The following MRPL45 variants were observed in gnomAD, a reference collection of about 807,000 sequenced individuals.
MRPL45 encodes large ribosomal subunit protein mL45.
A neutral mutation model predicts 38.1 loss-of-function variants in MRPL45; 20 were observed. The observed-to-expected ratio is 0.53, with a 90% confidence interval of 0.37 to 0.76. The LOEUF (loss-of-function observed/expected upper bound fraction) is 0.76. MRPL45 is among the 30% of genes least tolerant of loss of function. The pLI is 0.00. For synonymous variants in MRPL45, 105 were observed against 128.8 expected, an observed-to-expected ratio of 0.82 and a Z score of 1.25; for missense variants, 337 against 395.6, an observed-to-expected ratio of 0.85 and a Z score of 1.26.
chr17:38,299,565 G>A, intron 3 of MRPL45, 97 bp downstream of exon 3: 1 of 859,618 alleles, frequency 1.2e-6, no homozygotes, highest in South Asian at 1.7e-5. Context: ...TGGGTTGGGT[G>A]TCATTCTCTT....
In MRPL45 at chr17:38,322,273, G is replaced by A. The variant is rs774838592; in HGVS notation, c.808G>A (p.Ala270Thr). The change falls in exon 7 of 8, where the codon GCA (alanine) becomes ACA (threonine). Residue 270 changes from alanine (A) to threonine (T), a missense_variant. Around this residue, in one of 3 missense-constraint regions of MRPL45, gnomAD observed 251 missense variants for 269.1 expected, o/e 0.93. Coordinates refer to ENST00000613675, the MANE Select transcript of MRPL45 (RefSeq NM_032351.6). ...RMHTKIVPPW[A>T]PPKQPILKTV... ...GCATACCAAGATCGTTCCCCCATGG[G>A]CACCCCCTAAGCAGCCCATCCTTAA... is the stretch of plus-strand genomic sequence containing the variant. 5.8e-5 allele frequency: 93 copies of A among 1,613,932 alleles called. No individual in the cohort carries two copies. Among genetic ancestry groups the A allele is most frequent in the Non-Finnish European group, 7.7e-5 (91 of 1,180,004 alleles).
At chr17:38,320,871 A>C (rs2037223144) in intron 6 of MRPL45, 104 bp downstream of exon 6, 1 of 1,085,018 alleles carries the variant, frequency 9.2e-7, no homozygotes, top group African/African-American at 1.5e-5. Context: ...AGACAGTAAT[A>C]AAAGGTACAC....
chr17:38,311,930 T>C (rs1461420351), intron 4 of MRPL45, among the ~76,000 whole-genome samples: 2 of 152,172 alleles, frequency 1.3e-5, no homozygotes, highest in Non-Finnish European at 2.9e-5. Flanking sequence ...GTACCTCACA[T>C]AAGTGGAATC....
chr17:38,315,835 C>T (rs968415099), intron 4 of MRPL45, among the ~76,000 whole-genome samples: 3 of 151,530 alleles, frequency 2.0e-5, no homozygotes, highest in Non-Finnish European at 4.4e-5. Flanking sequence ...TGCAGTGGCC[C>T]GATCTCGGCT....
chr17:38,305,134 T>C (rs1215715586), intron 3 of MRPL45, among the ~76,000 whole-genome samples: 6 of 147,278 alleles, frequency 4.1e-5, no homozygotes. Flanking sequence ...CGTGAGCCAC[T>C]GCACCCGGCC....
intron 3 of MRPL45, among the ~76,000 whole-genome samples, chr17:38,304,551 A>T (rs527866743): frequency 3.3e-5 from 5 of 150,360 alleles, no homozygotes; most frequent in South Asian, 2.1e-4. Flanking sequence ...TTTTTATTTT[A>T]TTTTTTTTTT....
At chr17:38,302,220 C>T (rs1370960188) in intron 3 of MRPL45, among the ~76,000 whole-genome samples, 1 of 151,318 alleles carries the variant, frequency 6.6e-6, no homozygotes, top group Non-Finnish European at 1.5e-5. Flanking sequence ...TGAGGTGGCT[C>T]ACAACTGTAA....
chr17:38,302,007 C>G (rs1436857523), intron 3 of MRPL45, among the ~76,000 whole-genome samples: 1 of 150,654 alleles, frequency 6.6e-6, no homozygotes, highest in African/African-American at 2.4e-5. Flanking sequence ...GTCCCAGCTA[C>G]TCAGGAGGCT....
intron 3 of MRPL45, among the ~76,000 whole-genome samples, chr17:38,302,380 G>A (rs138534198): frequency 0.023 from 3,478 of 149,200 alleles, 133 homozygotes; most frequent in African/African-American, 0.081. Flanking sequence ...TCAGCTACTC[G>A]GAAGGCTGAG....
At chr17:38,318,822 CT>C (rs1454412319) in intron 5 of MRPL45, 87 bp downstream of exon 5, 20 of 576,084 alleles carry the variant, frequency 3.5e-5, no homozygotes, top group South Asian at 1.9e-5. Flanking sequence ...CTTTTCTTTT[CT>C]TTTCTTTTTT....
intron 1 of MRPL45, among the ~76,000 whole-genome samples, chr17:38,297,471 T>C (rs1475434836): frequency 6.6e-6 from 1 of 151,898 alleles, no homozygotes; most frequent in Non-Finnish European, 1.5e-5. Context: ...GGATATTAAG[T>C]TTTTCCGGAT....
chr17:38,300,906 A>G (rs2036988534), intron 3 of MRPL45, among the ~76,000 whole-genome samples: 1 of 152,180 alleles, frequency 6.6e-6, no homozygotes, highest in Admixed American at 6.5e-5. Context: ...AGATCGTGCC[A>G]TTGCACTCCA....
chr17:38,303,184 C>T (rs927254603), intron 3 of MRPL45, among the ~76,000 whole-genome samples: 34 of 151,536 alleles, frequency 2.2e-4, no homozygotes, highest in African/African-American at 8.0e-4. Context: ...CTTTTTCTTT[C>T]CTGCATAATA....
At chr17:38,312,140 G>C (rs1335655852) in intron 4 of MRPL45, among the ~76,000 whole-genome samples, 1 of 150,618 alleles carries the variant, frequency 6.6e-6, no homozygotes, top group Non-Finnish European at 1.5e-5. Flanking sequence ...TTTGCCTCCT[G>C]GGTTCAAGCG....
chr17:38,299,927 G>T (rs1465175457), intron 3 of MRPL45, among the ~76,000 whole-genome samples: 1 of 151,502 alleles, frequency 6.6e-6, no homozygotes, highest in Non-Finnish European at 1.5e-5. Context: ...GTAGAGATGT[G>T]GTTTCTCCAT....
At chr17:38,320,133 G>A (rs62073364) in intron 5 of MRPL45, among the ~76,000 whole-genome samples, 1,988 of 152,072 alleles carry the variant, frequency 0.013, 23 homozygotes, top group Non-Finnish European at 0.019. Flanking sequence ...AAAAGAACTT[G>A]GGTTTCTATC....
intron 3 of MRPL45, among the ~76,000 whole-genome samples, chr17:38,301,250 T>C (rs1369171490): frequency 6.6e-6 from 1 of 152,104 alleles, no homozygotes; most frequent in South Asian, 2.1e-4. Flanking sequence ...TTTTTTTTCT[T>C]CTTTTTTTGA....
intron 4 of MRPL45, among the ~76,000 whole-genome samples, chr17:38,317,379 T>G (rs2037184447): frequency 6.6e-6 from 1 of 152,154 alleles, no homozygotes; most frequent in South Asian, 2.1e-4. Flanking sequence ...CCTTACCCAT[T>G]CTGGGCTTAG....
chr17:38,312,984 G>GT (rs71138604), intron 4 of MRPL45, among the ~76,000 whole-genome samples: 16,286 of 113,536 alleles, frequency 0.14, 3,388 homozygotes, highest in African/African-American at 0.4. Flanking sequence ...CTTTTTATTG[G>GT]TTTTTTTTTT....
Sources: allele counts gnomAD v4.1 joint callset (sites outside exome capture counted in the v4.1 genomes callset), GRCh38; gene constraint gnomAD v4.1.1; regional missense constraint gnomAD v4.1.1; transcripts MANE v1.5; gene names NCBI Gene and HGNC (gene_info 2026-07-23, HGNC 2026-07-21).